TSBP1: variants seen among roughly 807,000 people sequenced by gnomAD.
The protein encoded by TSBP1 is testis expressed basic protein 1, also known as testis-expressed basic protein 1.
TSBP1 carries 56 observed loss-of-function variants against 68.8 expected under a neutral mutation model. That is an observed-to-expected ratio of 0.81 (90% CI 0.66 to 1.02). The LOEUF (loss-of-function observed/expected upper bound fraction) is 1.02, where lower values mean the gene tolerates loss of function less well. Among genes scored for constraint, TSBP1 ranks in the 50% least tolerant of loss-of-function variants. The pLI is 0.00. For synonymous variants in TSBP1, 171 were observed against 208.7 expected, an observed-to-expected ratio of 0.82 and a Z score of 1.56; for missense variants, 502 against 641.2, an observed-to-expected ratio of 0.78 and a Z score of 2.34.
In TSBP1 at chr6:32,361,535, G is replaced by T. The variant is rs1002652018; in HGVS notation, c.217+4632C>A. On this transcript the variant is annotated intron_variant, in intron 6 of 22. Transcript: ENST00000612031. The surrounding 1 kb of genome is among the most constrained non-coding windows in gnomAD (Gnocchi z 4.3). ...TTCCTATTTCTCCATATCCTCTCCAGCACCTGTTTCCTGACTTTTTAATGA... is the reference window on the plus strand; with the variant it reads ...TTCCTATTTCTCCATATCCTCTCCATCACCTGTTTCCTGACTTTTTAATGA... 6.6e-6 allele frequency among the ~76,000 whole-genome samples: 1 copy of T among 152,092 alleles called. No homozygotes were observed. The highest frequency in any genetic ancestry group is 2.4e-5 in the African/African-American group (1 of 41,404).
intron 6 of TSBP1, among the ~76,000 whole-genome samples, chr6:32,356,486 G>T (rs960712768): frequency 6.6e-6 from 1 of 152,112 alleles, no homozygotes; most frequent in African/African-American, 2.4e-5. Context: ...TTGGGAGGCC[G>T]AAGTGGGTGT....
chr6:32,349,676 A>T, intron 9 of TSBP1, 64 bp downstream of exon 9: 2 of 969,232 alleles, frequency 2.1e-6, no homozygotes, highest in Non-Finnish European at 1.7e-6. Flanking sequence ...AAGTTTAGGA[A>T]GATATCCTCT....
At chr6:32,364,242 G>A (rs923007408) in intron 6 of TSBP1, among the ~76,000 whole-genome samples, 2 of 152,032 alleles carry the variant, frequency 1.3e-5, no homozygotes, top group Non-Finnish European at 2.9e-5. Context: ...TTCATATATC[G>A]AGATGTCTAT....
At chr6:32,295,673 A>G (rs1223535014) in intron 22 of TSBP1, among the ~76,000 whole-genome samples, 1 of 152,202 alleles carries the variant, frequency 6.6e-6, no homozygotes, top group African/African-American at 2.4e-5. Flanking sequence ...TTATCTAAAT[A>G]AAAGCACTTG....
At position 32,323,585 on chromosome 6, in the gene TSBP1, A is replaced by G. The variant is rs1304058471; in HGVS notation, c.538+6T>C. 6.2e-7 allele frequency: 1 copy of G among 1,611,742 alleles called. No individual in the cohort carries two copies. Among genetic ancestry groups the G allele is most frequent in the Admixed American group, 1.7e-5 (1 of 59,954 alleles). On this transcript the variant is annotated splice_donor_region_variant and intron_variant, in intron 17 of 22. Coordinates refer to ENST00000612031, the Ensembl canonical transcript of TSBP1. ...AGAAAAGAGTAGAAAAAGAAATTGAACTTACCGCGGGGTGCTGAAGGTGGA... is the reference window on the plus strand; with the variant it reads ...AGAAAAGAGTAGAAAAAGAAATTGAGCTTACCGCGGGGTGCTGAAGGTGGA...
chr6:32,348,638 T>C (rs969891), intron 9 of TSBP1, among the ~76,000 whole-genome samples: 64,110 of 151,994 alleles, frequency 0.42, 14,409 homozygotes, highest in African/African-American at 0.55. Context: ...CTGGGGGTAG[T>C]TGGACAACCT....
intron 3 of TSBP1, 85 bp downstream of exon 3, chr6:32,368,697 A>G (rs1774036620): frequency 7.2e-7 from 1 of 1,398,372 alleles, no homozygotes; most frequent in Non-Finnish European, 9.9e-7. Context: ...TGGAAACACA[A>G]CTGTAAACAA....
chr6:32,316,622 G>A lies in TSBP1; in HGVS notation c.560-830C>T, dbSNP rs544368606. Among the ~76,000 whole-genome samples, 1 of 152,330 alleles carries A rather than the reference G, an allele frequency of 6.6e-6. No homozygotes were observed. The highest frequency in any genetic ancestry group is 2.1e-4 in the South Asian group (1 of 4,828). On this transcript the variant is annotated intron_variant, in intron 18 of 22. Transcript: ENST00000612031. The surrounding 1 kb of genome is among the most constrained non-coding windows in gnomAD (Gnocchi z 4.5). ...TATCTCTTACAAAGGGGTTAGTGGA[G>A]TGATTCTAAGGATTAAATGGGATAA...
At chr6:32,310,761 A>ATATATATATATAT in intron 19 of TSBP1, among the ~76,000 whole-genome samples, 5 of 144,834 alleles carry the variant, frequency 3.5e-5, no homozygotes, top group African/African-American at 1.0e-4. Context: ...ATATATATAT[A>ATATATATATATAT]TTTTTAATCT....
At chr6:32,342,603 G>T (rs1345338809) in intron 9 of TSBP1, among the ~76,000 whole-genome samples, 1 of 152,146 alleles carries the variant, frequency 6.6e-6, no homozygotes, top group Admixed American at 6.5e-5. Flanking sequence ...AGTTAGCCTG[G>T]CTCTAGAGTC....
intron 14 of TSBP1, 112 bp from the exon 16 acceptor site, chr6:32,332,166 A>G (rs907735998): frequency 3.9e-6 from 3 of 768,604 alleles, no homozygotes; most frequent in Non-Finnish European, 6.9e-6. Flanking sequence ...AGAGGAAGTG[A>G]TATCAGTTAT....
chr6:32,352,542 T>A (rs1771839236), intron 8 of TSBP1, among the ~76,000 whole-genome samples: 1 of 151,842 alleles, frequency 6.6e-6, no homozygotes, highest in South Asian at 2.1e-4. Context: ...AAACACAATA[T>A]AAATTGGAAA....
Position 32,365,468 on chromosome 6 carries a change from C to CTTTCTGATG in TSBP1, c.217+698_217+699insCATCAGAAA, listed in dbSNP as rs1562195567. 2 of 456,698 alleles carry CTTTCTGATG rather than the reference C, an allele frequency of 4.4e-6. No homozygotes were observed. Among genetic ancestry groups the CTTTCTGATG allele is most frequent in the Non-Finnish European group, 8.8e-6 (2 of 227,016 alleles). 28.3% of individuals were successfully genotyped at this position (456,698 alleles called of 1,614,324 possible). A position where few individuals can be genotyped will look rare whatever the true frequency, so the allele number is the denominator to read the frequency against. ...AGCATAGGTCACGCATCTCAAATGG[C>CTTTCTGATG]AGGCTTTCTGATGAGGCTTTCTGAT... is the stretch of plus-strand genomic sequence containing the variant. On this transcript the variant is annotated intron_variant, in intron 6 of 22. Coordinates refer to ENST00000612031, the Ensembl canonical transcript of TSBP1. This position sits in a 1 kb window ranked among gnomAD's most constrained non-coding sequence, Gnocchi z 4.3.
At chr6:32,317,448 A>C (rs1767082221) in intron 18 of TSBP1, among the ~76,000 whole-genome samples, 3 of 152,242 alleles carry the variant, frequency 2.0e-5, no homozygotes, top group Non-Finnish European at 4.4e-5. Flanking sequence ...AAAAGCAAAA[A>C]TTGACAGATG....
At chr6:32,294,713 G>A (rs969743627) in intron 22 of TSBP1, among the ~76,000 whole-genome samples, 1 of 152,162 alleles carries the variant, frequency 6.6e-6, no homozygotes, top group African/African-American at 2.4e-5. Flanking sequence ...CCAGTGTTCA[G>A]TTTTGATCAT....
intron 9 of TSBP1, among the ~76,000 whole-genome samples, chr6:32,347,947 C>T (rs1302834923): frequency 1.3e-5 from 2 of 152,092 alleles, no homozygotes; most frequent in African/African-American, 2.4e-5. Flanking sequence ...AGCTAAAGGC[C>T]CTTACTTCTT....
At position 32,338,863 on chromosome 6, in the gene TSBP1, A is replaced by C; in HGVS notation, c.409+116T>G. The C allele has an allele frequency of 1.2e-6, 1 of 852,678 alleles. No individual in the cohort carries two copies. Among genetic ancestry groups the C allele is most frequent in the Non-Finnish European group, 2.0e-6 (1 of 499,042 alleles). The allele number at this position is 852,678 out of a possible 1,614,324, so 52.8% of individuals were successfully genotyped here. On this transcript the variant is annotated intron_variant, in intron 11 of 22. Coordinates refer to ENST00000612031, the Ensembl canonical transcript of TSBP1. The surrounding 1 kb of genome is among the most constrained non-coding windows in gnomAD (Gnocchi z 5.5). ...AAGAATAGGGAATAAACAAGGGGAA[A>C]GGAATGGACAATTTGTGAAAGAAAT...
chr6:32,328,421 T>C (rs558989802), intron 16 of TSBP1, among the ~76,000 whole-genome samples: 1 of 143,194 alleles, frequency 7.0e-6, no homozygotes, highest in Non-Finnish European at 1.5e-5. Flanking sequence ...CTAACTTTTG[T>C]ATTTTTTTTT....
Position 32,336,484 on chromosome 6 carries a change from C to T in TSBP1, c.430+131G>A. The T allele has an allele frequency of 2.7e-6, 2 of 741,812 alleles. No homozygotes were observed. The highest frequency in any genetic ancestry group is 4.5e-6 in the Non-Finnish European group (2 of 439,960). 46.0% of individuals were successfully genotyped at this position (741,812 alleles called of 1,614,324 possible). Reference sequence around the variant, plus strand: ...TCACACAATATACCCATTAGCAAACCTGCATATGCACCACCGGAATCTAAA... The same window carrying T: ...TCACACAATATACCCATTAGCAAACTTGCATATGCACCACCGGAATCTAAA... On this transcript the variant is annotated intron_variant, in intron 12 of 22. Coordinates refer to ENST00000612031, the Ensembl canonical transcript of TSBP1. The surrounding 1 kb of genome is among the most constrained non-coding windows in gnomAD (Gnocchi z 5.2).
Sources: allele counts gnomAD v4.1 joint callset (sites outside exome capture counted in the v4.1 genomes callset), GRCh38; gene constraint gnomAD v4.1.1; non-coding constraint Gnocchi (gnomAD v3.1); transcripts MANE v1.5; gene names NCBI Gene and HGNC (gene_info 2026-07-23, HGNC 2026-07-21).